Variants in AHCTF1 observed in about 807,000 individuals in gnomAD.
The protein encoded by AHCTF1 is protein ELYS.
A neutral mutation model predicts 248.4 loss-of-function variants in AHCTF1; 24 were observed. That is an observed-to-expected ratio of 0.10 (90% CI 0.07 to 0.14). The LOEUF (loss-of-function observed/expected upper bound fraction) is 0.14. AHCTF1 is among the 10% of genes least tolerant of loss of function. The pLI is 1.00. For synonymous variants in AHCTF1, 786 were observed against 929.8 expected (o/e 0.85, Z 2.81); for missense variants, 2,206 against 2,636.2 (o/e 0.84, Z 3.57).
intron 1 of AHCTF1, among the ~76,000 whole-genome samples, chr1:246,918,979 A>T (rs1666337926): frequency 6.6e-6 from 1 of 152,254 alleles, no homozygotes; most frequent in Non-Finnish European, 1.5e-5. Flanking sequence ...AAACCCCAGA[A>T]ATCAAGTTTG....
chr1:246,894,809 T>A lies in AHCTF1; in HGVS notation c.1715-61A>T. On this transcript the variant is annotated intron_variant, in intron 13 of 35. Transcript: ENST00000648844. ...TATTAATTACAAACAGAGTTCTAAATTGTTGGTGGAGAAGCATGGCAGACA... is the reference window on the plus strand; with the variant it reads ...TATTAATTACAAACAGAGTTCTAAAATGTTGGTGGAGAAGCATGGCAGACA... The A allele has an allele frequency of 4.2e-6, 6 of 1,437,490 alleles. No individual in the cohort carries two copies. The South Asian group carries it at 7.1e-5, about 17-fold the overall frequency. The allele number at this position is 1,437,490 out of a possible 1,614,324, so 89.0% of individuals were successfully genotyped here.
At position 246,862,163 on chromosome 1, in the gene AHCTF1, A is replaced by G. The variant is rs1454133392; in HGVS notation, c.3541-10T>C. Reference sequence around the variant, plus strand: ...CCAAACTTTTAGCTTTCTATAGTAAAGAGCAAATGGAATTACACCATTAAA... The same window carrying G: ...CCAAACTTTTAGCTTTCTATAGTAAGGAGCAAATGGAATTACACCATTAAA... On this transcript the variant is annotated splice_polypyrimidine_tract_variant and intron_variant, in intron 27 of 35. Transcript: ENST00000648844. 1 of 1,604,616 alleles carries G rather than the reference A, an allele frequency of 6.2e-7. No homozygotes were observed. Among genetic ancestry groups the G allele is most frequent in the African/African-American group, 1.3e-5 (1 of 74,296 alleles).
chr1:246,892,800 TAAAAA>T (rs963064405), intron 14 of AHCTF1, among the ~76,000 whole-genome samples: 1 of 114,604 alleles, frequency 8.7e-6, no homozygotes, highest in Non-Finnish European at 1.7e-5. Flanking sequence ...CCCAGCTAAT[TAAAAA>T]AAAGATTTTT....
intron 18 of AHCTF1, 52 bp from the exon 19 acceptor site, chr1:246,888,285 C>T (rs1462702199): frequency 6.2e-7 from 1 of 1,612,200 alleles, no homozygotes; most frequent in South Asian, 1.1e-5. Context: ...GTCATTCATT[C>T]ATTCATGCTT....
At chr1:246,894,802 T>C (rs966208240) in intron 13 of AHCTF1, 54 bp from the exon 14 acceptor site, 1 of 1,476,766 alleles carries the variant, frequency 6.8e-7, no homozygotes, top group East Asian at 2.4e-5. Context: ...ACAAACAGAG[T>C]TCTAAATTGT....
intron 33 of AHCTF1, among the ~76,000 whole-genome samples, chr1:246,844,202 A>G (rs1660081961): frequency 6.6e-6 from 1 of 152,182 alleles, no homozygotes; most frequent in Admixed American, 6.6e-5. Flanking sequence ...CAGGTACAGA[A>G]CTGTTTAGTC....
At chr1:246,871,490 C>G (rs139036231) in intron 24 of AHCTF1, among the ~76,000 whole-genome samples, 115 of 152,312 alleles carry the variant, frequency 7.6e-4, no homozygotes, top group African/African-American at 2.6e-3. Context: ...TTTCAGAACT[C>G]TCAAGTTAAC....
intron 21 of AHCTF1, among the ~76,000 whole-genome samples, chr1:246,881,480 G>C (rs1387839034): frequency 6.6e-6 from 1 of 152,132 alleles, no homozygotes; most frequent in Non-Finnish European, 1.5e-5. Context: ...CTATTAAATG[G>C]AGAATACATT....
rs573133006 is a variant in AHCTF1 at position 246,861,033 on chromosome 1, G to A, written c.3998C>T (p.Thr1333Ile). The A allele has an allele frequency of 1.1e-5, 17 of 1,613,978 alleles. No individual in the cohort carries two copies. The highest frequency in any genetic ancestry group is 1.4e-5 in the Non-Finnish European group (16 of 1,179,892). ...TTTGGGCTTAGAGGCCGTGAAAACA[G>A]TCTCTTCAAGGTCTTCCGGTGACGG... ...DAPSPEDLEETVFTASKPKSS... is the reference protein window; with the variant it reads ...DAPSPEDLEEIVFTASKPKSS... Residue 1333 changes from threonine to isoleucine, a missense_variant, in exon 29 of 36, where the codon ACT (threonine) becomes ATT (isoleucine). Physicochemically the swap from Thr to Ile is moderately conservative, Grantham distance 89 (BLOSUM62 -1). This residue lies in a region of AHCTF1 where 955 missense variants were observed against 1,055.6 expected (regional missense o/e 0.90). Coordinates refer to ENST00000648844, the MANE Select transcript of AHCTF1 (RefSeq NM_001323342.2).
rs1553291133 is a variant in AHCTF1, at chr1:246,867,901, C to CACACACACA, written c.3089-91_3089-90insTGTGTGTGT. ...TGAAAGAATGATTACACCCCCCCCCCCACACACACACACACACACATTACG... is the reference window on the plus strand; with the variant it reads ...TGAAAGAATGATTACACCCCCCCCCCACACACACACACACACACACACACACACATTACG... On this transcript the variant is annotated intron_variant, in intron 24 of 35. Transcript: ENST00000648844. 168 of 313,834 alleles carry CACACACACA rather than the reference C, an allele frequency of 5.4e-4. 5 individuals are homozygous for CACACACACA. In the African/African-American group the frequency reaches 6.5e-3, roughly 12 times the overall value. The allele number at this position is 313,834 out of a possible 1,614,324, so 19.4% of individuals were successfully genotyped here.
intron 30 of AHCTF1, among the ~76,000 whole-genome samples, chr1:246,856,218 T>C (rs1661101824): frequency 6.6e-6 from 1 of 152,192 alleles, no homozygotes; most frequent in South Asian, 2.1e-4. Context: ...AATATTTTAA[T>C]GCTACCTAGA....
intron 20 of AHCTF1, 146 bp from the exon 21 acceptor site, chr1:246,885,826 T>C (rs1051494612): frequency 1.2e-5 from 9 of 722,720 alleles, no homozygotes; most frequent in East Asian, 2.7e-5. Flanking sequence ...CTGTGCTATA[T>C]AGAGTTGGCT....
At chr1:246,846,119 T>C (rs963157804) in intron 33 of AHCTF1, among the ~76,000 whole-genome samples, 1 of 148,238 alleles carries the variant, frequency 6.7e-6, no homozygotes, top group Admixed American at 6.8e-5. Context: ...GCCTTAGGTA[T>C]ATAGCAGGCC....
chr1:246,850,219 C>T lies in AHCTF1; in HGVS notation c.5787G>A (p.Gln1929=). The change falls in exon 33 of 36, where the codon CAG becomes CAA. Residue 1929 remains glutamine (Q), a synonymous_variant. Transcript: ENST00000648844. ...NKQDDKSSDK[Q]LRIKHVRRVR... is the part of the protein sequence containing the mutation. Reference sequence around the variant, plus strand: ...CCCTTCTAACATGTTTAATACGCAGCTGCTTGTCACTGGATTTATCATCTT... The same window carrying T: ...CCCTTCTAACATGTTTAATACGCAGTTGCTTGTCACTGGATTTATCATCTT... 3 of 1,613,908 alleles carry T rather than the reference C, an allele frequency of 1.9e-6. No homozygotes were observed. Among genetic ancestry groups the T allele is most frequent in the Non-Finnish European group, 2.5e-6 (3 of 1,179,846 alleles).
chr1:246,899,542 T>C, intron 10 of AHCTF1, 30 bp from the exon 11 acceptor site: 2 of 1,559,592 alleles, frequency 1.3e-6, no homozygotes, highest in Non-Finnish European at 1.8e-6. Context: ...AATAATCCAC[T>C]TACATATATT....
chr1:246,912,982 T>A (rs1180911204), intron 4 of AHCTF1, among the ~76,000 whole-genome samples: 2 of 152,182 alleles, frequency 1.3e-5, no homozygotes, highest in Non-Finnish European at 2.9e-5. Flanking sequence ...CAATTATCAC[T>A]ACCTTTCTCA....
intron 20 of AHCTF1, among the ~76,000 whole-genome samples, 195 bp from the exon 21 acceptor site, chr1:246,885,875 A>C (rs1257568138): frequency 6.6e-6 from 1 of 152,182 alleles, no homozygotes; most frequent in African/African-American, 2.4e-5. Context: ...GACTGAACTA[A>C]GTGCAGATAG....
intron 26 of AHCTF1, among the ~76,000 whole-genome samples, chr1:246,866,285 C>T (rs1661972708): frequency 6.6e-6 from 1 of 151,700 alleles, no homozygotes; most frequent in African/African-American, 2.4e-5. Context: ...ACCTCAGAGC[C>T]ATTAAATTAC....
At chr1:246,856,698 A>C (rs1292867249) in intron 30 of AHCTF1, among the ~76,000 whole-genome samples, 1 of 152,222 alleles carries the variant, frequency 6.6e-6, no homozygotes, top group African/African-American at 2.4e-5. Context: ...TGAAAAAATA[A>C]TTTGGATAAT....
Sources: gnomAD v4.1 joint callset for allele counts (sites outside exome capture counted in the v4.1 genomes callset) on GRCh38, gnomAD v4.1.1 for gene constraint, gnomAD v4.1.1 regional missense constraint, MANE v1.5 for transcripts, NCBI Gene and HGNC (gene_info 2026-07-23, HGNC 2026-07-21) for gene names.